Variants in MFAP1 observed in about 807,000 individuals in gnomAD.
MFAP1 encodes the protein microfibril associated protein 1.
A neutral mutation model predicts 62.2 loss-of-function variants in MFAP1; 18 were observed. That is an observed-to-expected ratio of 0.29 (90% confidence interval 0.20 to 0.43). The LOEUF (loss-of-function observed/expected upper bound fraction) is 0.43, where lower values mean the gene tolerates loss of function less well. Ranked by LOEUF, MFAP1 falls within the 20% of genes least tolerant of loss-of-function variation. The probability of loss-of-function intolerance (pLI) is 1.00; values close to 1 mark genes in which losing one functional copy is unlikely to be tolerated. For missense variants in MFAP1, 355 were observed against 559.7 expected (o/e 0.63, Z 3.69); for synonymous variants, 175 against 180.4 (o/e 0.97, Z 0.24).
At chr15:43,812,195 A>C (rs550696449) in intron 6 of MFAP1, among the ~76,000 whole-genome samples, 1 of 152,236 alleles carries the variant, frequency 6.6e-6, no homozygotes, top group African/African-American at 2.4e-5. Context: ...TGTCAAAAAA[A>C]AAAAAAAAAG....
chr15:43,812,377 G>A (rs566219041), intron 6 of MFAP1, among the ~76,000 whole-genome samples: 6 of 152,202 alleles, frequency 3.9e-5, no homozygotes, highest in East Asian at 1.9e-4. Context: ...TGACCAGTAT[G>A]TGGCAAGATC....
intron 1 of MFAP1, among the ~76,000 whole-genome samples, chr15:43,818,299 G>T (rs1288505813): frequency 6.6e-6 from 1 of 151,968 alleles, no homozygotes; most frequent in South Asian, 2.1e-4. Context: ...GATTACAGGC[G>T]TGAGCCACAG....
chr15:43,814,390 C>T, intron 4 of MFAP1, 111 bp downstream of exon 4: 1 of 1,282,360 alleles, frequency 7.8e-7, no homozygotes, highest in Non-Finnish European at 1.1e-6. Flanking sequence ...AGCAAAAGCA[C>T]TTTCACTCAG....
At position 43,809,835 on chromosome 15, in the gene MFAP1, C is replaced by T. The variant is rs201421725; in HGVS notation, c.967G>A (p.Gly323Ser). 64 of 1,614,080 alleles carry T rather than the reference C, an allele frequency of 4.0e-5. No homozygotes were observed. The African/African-American group carries it at 6.8e-4, about 17-fold the overall frequency. The change falls in exon 7 of 9, where the codon GGC becomes AGC. Residue 323 changes from glycine (G) to serine (S), a missense_variant. This residue lies in a region of MFAP1 where 24 missense variants were observed against 57.0 expected (regional missense o/e 0.42). Coordinates refer to ENST00000267812, the MANE Select transcript of MFAP1 (RefSeq NM_005926.3). The part of the protein sequence containing the change: ...EERRAELRAN[G>S]KVITNKAVKG... The stretch of plus-strand genomic sequence containing the variant: ...ACAGCTTTGTTGGTAATGACTTTGC[C>T]GTTTGCCCGAAGTTCAGCTCTCCTC...
intron 6 of MFAP1, among the ~76,000 whole-genome samples, chr15:43,810,629 A>G (rs1032692341): frequency 3.3e-5 from 5 of 152,122 alleles, no homozygotes; most frequent in African/African-American, 1.2e-4. Flanking sequence ...GGCCTTCCAA[A>G]GTGTTGGGAT....
At chr15:43,811,433 C>A (rs1214648320) in intron 6 of MFAP1, among the ~76,000 whole-genome samples, 98 of 148,464 alleles carry the variant, frequency 6.6e-4, no homozygotes, top group Middle Eastern at 3.5e-3. Flanking sequence ...AAAAAAAAAC[C>A]AAAAACAAAA....
chr15:43,805,673 C>A (rs1029681136), intron 7 of MFAP1, among the ~76,000 whole-genome samples: 1 of 151,566 alleles, frequency 6.6e-6, no homozygotes, highest in Non-Finnish European at 1.5e-5. Flanking sequence ...AGTGCACTGC[C>A]GCGATCTTGG....
At chr15:43,824,029 A>G (rs539528950) in intron 1 of MFAP1, among the ~76,000 whole-genome samples, 1 of 152,084 alleles carries the variant, frequency 6.6e-6, no homozygotes, top group East Asian at 1.9e-4. Context: ...TCTGATATAT[A>G]CTTAAGTTCC....
chr15:43,805,907 C>G (rs28509275), intron 7 of MFAP1, among the ~76,000 whole-genome samples: 1,839 of 151,710 alleles, frequency 0.012, 33 homozygotes, highest in African/African-American at 0.042. Context: ...CCACTGCGCC[C>G]GGCCGAGATG....
chr15:43,824,348 G>T (rs1349265042), intron 1 of MFAP1, 143 bp downstream of exon 1: 2 of 734,402 alleles, frequency 2.7e-6, no homozygotes, highest in South Asian at 3.7e-5. Context: ...GATGCAAGTG[G>T]GTGGGGGTGG....
chr15:43,817,098 T>TA (rs779124884), intron 2 of MFAP1, 131 bp downstream of exon 2: 85 of 939,542 alleles, frequency 9.0e-5, no homozygotes, highest in Non-Finnish European at 1.3e-4. Flanking sequence ...ACCTATTTCA[T>TA]AAAGTTATTG....
intron 3 of MFAP1, 72 bp downstream of exon 3, chr15:43,814,873 T>C (rs1376276422): frequency 6.3e-7 from 1 of 1,585,152 alleles, no homozygotes; most frequent in East Asian, 2.2e-5. Context: ...TTTTTAAGGC[T>C]TCAACAAATG....
chr15:43,814,615 T>A lies in MFAP1; in HGVS notation c.503A>T (p.Glu168Val). The part of the protein sequence containing the change: ...ERKNEEMEVM[E>V]VEDEGRSGEE... Reference sequence around the variant, plus strand: ...TCCAGAACGACCCTCATCTTCCACTTCCATGACTTCCATCTCTTCATTTTT... The same window carrying A: ...TCCAGAACGACCCTCATCTTCCACTACCATGACTTCCATCTCTTCATTTTT... Residue 168 changes from glutamate to valine, a missense_variant, in exon 4 of 9, where the codon GAA becomes GTA. Physicochemically the swap from Glu to Val is moderately radical, Grantham distance 121. Transcript: ENST00000267812. The A allele has an allele frequency of 6.2e-7, 1 of 1,614,166 alleles. No homozygotes were observed.
At position 43,817,156 on chromosome 15, in the gene MFAP1, C is replaced by G; in HGVS notation, c.299+73G>C. ...ATGTAATCTACTTGGTAGTACTATT[C>G]AAGTATTAGCTATTATTATTATTAT... On this transcript the variant is annotated intron_variant, in intron 2 of 8. Coordinates refer to ENST00000267812, the MANE Select transcript of MFAP1 (RefSeq NM_005926.3). The G allele has an allele frequency of 2.8e-6, 4 of 1,418,952 alleles. No individual in the cohort carries two copies. In the South Asian group the frequency reaches 4.8e-5, roughly 17 times the overall value. The allele number at this position is 1,418,952 out of a possible 1,614,324, so 87.9% of individuals were successfully genotyped here. A position where few individuals can be genotyped will look rare whatever the true frequency, so the allele number is the denominator to read the frequency against.
chr15:43,807,975 C>G (rs1320942779), intron 7 of MFAP1, among the ~76,000 whole-genome samples: 1 of 152,062 alleles, frequency 6.6e-6, no homozygotes, highest in Admixed American at 6.6e-5. Flanking sequence ...ATAGCAAAAC[C>G]CATCTCTACA....
At chr15:43,821,611 G>A (rs1409703697) in intron 1 of MFAP1, among the ~76,000 whole-genome samples, 2 of 151,874 alleles carry the variant, frequency 1.3e-5, no homozygotes, top group Admixed American at 6.6e-5. Context: ...GGGTGAGAAG[G>A]GACAATTGGC....
intron 3 of MFAP1, 91 bp downstream of exon 3, chr15:43,814,854 G>T: frequency 6.5e-7 from 1 of 1,549,564 alleles, no homozygotes; most frequent in South Asian, 1.2e-5. Context: ...CCAAAGCAGT[G>T]ATCTCATGTT....
At chr15:43,824,265 C>T (rs998811535) in intron 1 of MFAP1, among the ~76,000 whole-genome samples, 3 of 151,538 alleles carry the variant, frequency 2.0e-5, no homozygotes, top group Non-Finnish European at 4.4e-5. Flanking sequence ...TAACATTAGT[C>T]TAAGGAATTT....
intron 1 of MFAP1, among the ~76,000 whole-genome samples, chr15:43,822,408 C>T (rs932241842): frequency 6.6e-6 from 1 of 152,142 alleles, no homozygotes; most frequent in African/African-American, 2.4e-5. Flanking sequence ...GAGTCTTGCT[C>T]TGTTGGCCAG....
Sources: gnomAD v4.1 joint callset for allele counts (sites outside exome capture counted in the v4.1 genomes callset) on GRCh38, gnomAD v4.1.1 for gene constraint, gnomAD v4.1.1 regional missense constraint, MANE v1.5 for transcripts, NCBI Gene and HGNC (gene_info 2026-07-23, HGNC 2026-07-21) for gene names.